SLCO4A1: variants seen among roughly 807,000 people sequenced by gnomAD.
SLCO4A1 encodes the protein solute carrier organic anion transporter family member 4A1.
In SLCO4A1, 51 loss-of-function variants were observed where a neutral mutation model predicts 64.6. The ratio of observed to expected loss-of-function variants is 0.79; its 90% CI spans 0.63 to 1.00. SLCO4A1 has a LOEUF of 1.00. Among genes scored for constraint, SLCO4A1 ranks in the 50% least tolerant of loss-of-function variants. The pLI is 0.00. For missense variants in SLCO4A1, 919 were observed against 980.5 expected (o/e 0.94, Z 0.84); for synonymous variants, 471 against 444.9 (o/e 1.06, Z -0.74).
At chr20:62,647,604 G>A (rs947648293) in intron 1 of SLCO4A1, among the ~76,000 whole-genome samples, 3 of 152,270 alleles carry the variant, frequency 2.0e-5, no homozygotes, top group African/African-American at 7.2e-5. Context: ...GGGCTGGCAA[G>A]CTTAAAATAG....
At chr20:62,676,817 T>C (rs1253530410), downstream of SLCO4A1, among the ~76,000 whole-genome samples, 2 of 152,226 alleles carry the variant, frequency 1.3e-5, no homozygotes, top group South Asian at 2.1e-4. Context: ...TGAAGACATA[T>C]GTCCACATAA....
rs1039617480 is a variant in SLCO4A1 at position 62,657,063 on chromosome 20, G to A, written c.609G>A (p.Ala203=). 9 of 1,598,676 alleles carry A rather than the reference G, an allele frequency of 5.6e-6. No individual in the cohort carries two copies. The highest frequency in any genetic ancestry group is 4.0e-5 in the African/African-American group (3 of 74,738). ...TAGRYEVELD[A]GVRTCPANPG... ...GCCGCTATGAGGTGGAGTTGGACGC[G>A]GGTGTCAGGACGTGCCCTGCCAACC... The change falls in exon 2 of 12, where the codon GCG becomes GCA. Residue 203 remains alanine, a synonymous_variant. Coordinates refer to ENST00000217159, the MANE Select transcript of SLCO4A1 (RefSeq NM_016354.4).
rs1001523487 is a variant in SLCO4A1 at position 62,644,282 on chromosome 20, C to T, written c.-97+1729C>T. On this transcript the variant is annotated intron_variant, in intron 1 of 11. Coordinates refer to ENST00000217159, the MANE Select transcript of SLCO4A1 (RefSeq NM_016354.4). The surrounding 1 kb of genome is among the most constrained non-coding windows in gnomAD (Gnocchi z 5.4). Reference sequence around the variant, plus strand: ...ACAGCCAGGCTGCCCTGACCGCCCTCAGCAGGCTGTGTCCTGCCTTCCTGC... The same window carrying T: ...ACAGCCAGGCTGCCCTGACCGCCCTTAGCAGGCTGTGTCCTGCCTTCCTGC... Among the ~76,000 whole-genome samples the T allele has an allele frequency of 9.2e-5, 14 of 152,274 alleles. No homozygotes were observed. The highest frequency in any genetic ancestry group is 3.4e-4 in the African/African-American group (14 of 41,474).
chr20:62,649,573 G>A (rs1007004592), intron 1 of SLCO4A1: 1 of 152,384 alleles, frequency 6.6e-6, no homozygotes, highest in African/African-American at 2.4e-5. Flanking sequence ...TGCAGTCAGG[G>A]TGTTCAGATG....
intron 11 of SLCO4A1, among the ~76,000 whole-genome samples, chr20:62,670,831 G>T (rs775980126): frequency 1.3e-5 from 2 of 152,190 alleles, no homozygotes; most frequent in African/African-American, 4.8e-5. Flanking sequence ...AAACACCCTC[G>T]CATTCCACTT....
At chr20:62,687,107 TG>T (rs1235023984), downstream of SLCO4A1, among the ~76,000 whole-genome samples, 37 of 99,192 alleles carry the variant, frequency 3.7e-4, no homozygotes, top group African/African-American at 1.6e-3. Context: ...ACAGGAGCAA[TG>T]GGAAAGGGCA....
chr20:62,643,102 C>G (rs1184193698), intron 1 of SLCO4A1: 1 of 455,596 alleles, frequency 2.2e-6, no homozygotes, highest in African/African-American at 2.1e-5. Flanking sequence ...GCGCCAGAGG[C>G]GCTCGAGACA....
chr20:62,658,613 C>T, intron 2 of SLCO4A1, 64 bp from the exon 3 acceptor site: 1 of 1,364,926 alleles, frequency 7.3e-7, no homozygotes, highest in Non-Finnish European at 1.0e-6. Context: ...CACGGGGCCC[C>T]ACACGGCCCT....
At position 62,671,902 on chromosome 20, in the gene SLCO4A1, C is replaced by A. The variant is rs191935581; in HGVS notation, c.*9C>A. ...TCCAGAGCAGCGTCTGACCACCGCC[C>A]GCGCCCACCCGGCCACGGCGGGCAC... On this transcript the variant is annotated 3_prime_UTR_variant, in exon 12 of 12. Transcript: ENST00000217159. The A allele has an allele frequency of 1.2e-6, 2 of 1,609,332 alleles. No individual in the cohort carries two copies. Among genetic ancestry groups the A allele is most frequent in the East Asian group, 4.5e-5 (2 of 44,878 alleles).
chr20:62,687,244 AG>A (rs1376330471), downstream of SLCO4A1, among the ~76,000 whole-genome samples: 1 of 146,028 alleles, frequency 6.8e-6, no homozygotes. Flanking sequence ...AAGTGGCAGC[AG>A]CTTCCTAATC....
chr20:62,668,212 C>A (rs1489325995), intron 9 of SLCO4A1, 28 bp downstream of exon 9: 1 of 1,612,052 alleles, frequency 6.2e-7, no homozygotes, highest in East Asian at 2.2e-5. Flanking sequence ...GTGCGCTTGT[C>A]CAGAGCTTTC....
chr20:62,689,694 T>G (rs1356959713), downstream of SLCO4A1, among the ~76,000 whole-genome samples: 1 of 152,064 alleles, frequency 6.6e-6, no homozygotes, highest in Non-Finnish European at 1.5e-5. Flanking sequence ...CCCCAGACCC[T>G]CCGGAAGGCG....
chr20:62,663,497 GAGC>G (rs1985460334), intron 5 of SLCO4A1: 1 of 152,262 alleles, frequency 6.6e-6, no homozygotes, highest in Admixed American at 6.5e-5. Context: ...ACTGCGGTGT[GAGC>G]AGAGGCGACA....
intron 5 of SLCO4A1, among the ~76,000 whole-genome samples, chr20:62,664,007 G>A (rs1601655843): frequency 6.6e-6 from 1 of 151,354 alleles, no homozygotes; most frequent in South Asian, 2.1e-4. Flanking sequence ...CCAGGGCCTC[G>A]TGTGCAGGGA....
chr20:62,680,936 A>C (rs1987796220), intron 2 of SLCO4A1, among the ~76,000 whole-genome samples: 2 of 151,768 alleles, frequency 1.3e-5, no homozygotes, highest in African/African-American at 4.8e-5. Context: ...ACAGGGTCTC[A>C]CTCTGTCACC....
rs1033642759 is a variant in SLCO4A1, at chr20:62,657,295, G to A, written c.796+45G>A. 6.8e-6 allele frequency: 10 copies of A among 1,465,864 alleles called. No homozygotes were observed. In the African/African-American group the frequency reaches 1.3e-4, roughly 18 times the overall value. The allele number at this position is 1,465,864 out of a possible 1,614,324, so 90.8% of individuals were successfully genotyped here. A position where few individuals can be genotyped will look rare whatever the true frequency, so the allele number is the denominator to read the frequency against. ...TAAGTGCTGGCAGGGGTGGCTGAGG[G>A]CAGTGTTGCAGGAGTGAGGGTAACT... On this transcript the variant is annotated intron_variant, in intron 2 of 11. Transcript: ENST00000217159.
intron 1 of SLCO4A1, chr20:62,650,520 C>A (rs2147063973): frequency 6.6e-6 from 1 of 152,422 alleles, no homozygotes; most frequent in Non-Finnish European, 1.5e-5. Flanking sequence ...ATCATTACTC[C>A]AGTCTCCATT....
rs1988037108 is a variant in SLCO4A1, at chr20:62,685,676, G to C, written n.447G>C. ...TGGACGAAACAACGGAAGTGGAGGG[G>C]GTGGATTCTCTACCTGGGAAACCCA... On this transcript the variant is annotated non_coding_transcript_exon_variant, in exon 3 of 3. Coordinates refer to the SLCO4A1 transcript ENST00000466818. The surrounding 1 kb of genome is among the most constrained non-coding windows in gnomAD (Gnocchi z 4.6). 1 of 153,692 alleles carries C rather than the reference G, an allele frequency of 6.5e-6. No individual in the cohort carries two copies. The highest frequency in any genetic ancestry group is 2.4e-5 in the African/African-American group (1 of 41,420). 9.5% of individuals were successfully genotyped at this position (153,692 alleles called of 1,614,324 possible). A position where few individuals can be genotyped will look rare whatever the true frequency, so the allele number is the denominator to read the frequency against.
Position 62,656,558 on chromosome 20 carries a change from C to T in SLCO4A1, c.104C>T (p.Pro35Leu), listed in dbSNP as rs548378931. The change falls in exon 2 of 12, where the codon CCG (proline) becomes CTG (leucine). Residue 35 changes from proline to leucine, a missense_variant. Pro to Leu is a moderately conservative substitution (Grantham distance 98). Coordinates refer to ENST00000217159, the MANE Select transcript of SLCO4A1 (RefSeq NM_016354.4). ...DHTPPSRRAS[P>L]GTPLSPGSLR... The stretch of plus-strand genomic sequence containing the variant: ...ACCCCACCCAGCAGGAGGGCATCCC[C>T]GGGCACACCCCTGAGCCCCGGCTCC... 22 of 1,583,308 alleles carry T rather than the reference C, an allele frequency of 1.4e-5. No individual in the cohort carries two copies. In the African/African-American group the frequency reaches 1.9e-4, roughly 14 times the overall value.
Sources: gnomAD v4.1 joint callset for allele counts (sites outside exome capture counted in the v4.1 genomes callset) on GRCh38, gnomAD v4.1.1 for gene constraint, Gnocchi (gnomAD v3.1) non-coding constraint, MANE v1.5 for transcripts, NCBI Gene and HGNC (gene_info 2026-07-23, HGNC 2026-07-21) for gene names.